GRID2: variants seen among roughly 807,000 people sequenced by gnomAD.
The protein encoded by GRID2 is glutamate ionotropic receptor delta type subunit 2.
GRID2 carries 33 observed loss-of-function variants against 114.8 expected under a neutral mutation model. The ratio of observed to expected loss-of-function variants is 0.29; its 90% CI spans 0.22 to 0.38. The LOEUF is 0.38. Among genes scored for constraint, GRID2 ranks in the 10% least tolerant of loss-of-function variants. The pLI, the probability that GRID2 is intolerant of heterozygous loss-of-function variation, is 1.00. For synonymous variants in GRID2, 505 were observed against 449.9 expected (o/e 1.12, Z -1.55); for missense variants, 1,184 against 1,257.7 (o/e 0.94, Z 0.89).
At chr4:92,553,645 T>C (rs868558403) in intron 1 of GRID2, among the ~76,000 whole-genome samples, 5 of 152,056 alleles carry the variant, frequency 3.3e-5, no homozygotes, top group South Asian at 4.1e-4. Flanking sequence ...CAAATCCTTA[T>C]CATTAACTTT....
rs6850587 is a variant in GRID2 at position 92,727,985 on chromosome 4, G to T, written c.244+137699G>T. Among the ~76,000 whole-genome samples, 1,030 of 152,120 alleles carry T rather than the reference G, an allele frequency of 6.8e-3. 14 individuals are homozygous for T. The highest frequency in any genetic ancestry group is 0.022 in the African/African-American group (924 of 41,514). On this transcript the variant is annotated intron_variant, in intron 2 of 15. Transcript: ENST00000282020. ...TATGAGCAAAGCATGCAGAAGTAGGGAAATTTAGAACATGTTCAAGAAATA... is the reference window on the plus strand; with the variant it reads ...TATGAGCAAAGCATGCAGAAGTAGGTAAATTTAGAACATGTTCAAGAAATA...
At chr4:92,552,921 C>T (rs181216404) in intron 1 of GRID2, among the ~76,000 whole-genome samples, 37 of 152,286 alleles carry the variant, frequency 2.4e-4, no homozygotes, top group Admixed American at 5.2e-4. Flanking sequence ...CCTTTGGTTG[C>T]TCCAATGATT....
At chr4:92,963,549 T>C (rs1201126300) in intron 2 of GRID2, among the ~76,000 whole-genome samples, 1 of 152,010 alleles carries the variant, frequency 6.6e-6, no homozygotes, top group East Asian at 1.9e-4. Context: ...GGTCACATCT[T>C]CAGGCTCTAC....
chr4:93,509,807 C>T (rs1728988749), intron 12 of GRID2, among the ~76,000 whole-genome samples: 1 of 152,102 alleles, frequency 6.6e-6, no homozygotes. Context: ...TAATTCTCAC[C>T]CTCACGGCAT....
chr4:92,797,597 C>T (rs542274707), intron 2 of GRID2, among the ~76,000 whole-genome samples: 1 of 151,978 alleles, frequency 6.6e-6, no homozygotes, highest in South Asian at 2.1e-4. Context: ...AAAATTTTAA[C>T]TTTTTCAATA....
At chr4:92,745,867 A>G (rs1737126615) in intron 2 of GRID2, among the ~76,000 whole-genome samples, 2 of 152,144 alleles carry the variant, frequency 1.3e-5, no homozygotes, top group South Asian at 4.1e-4. Flanking sequence ...AGTGATATAA[A>G]AGAAAAAGAA....
chr4:92,635,462 T>C (rs1005467491), intron 2 of GRID2, among the ~76,000 whole-genome samples: 1 of 152,098 alleles, frequency 6.6e-6, no homozygotes, highest in Non-Finnish European at 1.5e-5. Context: ...CTCATAAGTT[T>C]CTTGGGATTT....
chr4:93,319,440 G>A (rs534577490), intron 8 of GRID2, among the ~76,000 whole-genome samples: 1 of 152,116 alleles, frequency 6.6e-6, no homozygotes, highest in African/African-American at 2.4e-5. Flanking sequence ...AACTGTTTTG[G>A]TAGGGAGAAT....
At chr4:92,572,949 C>A (rs1337943256) in intron 1 of GRID2, among the ~76,000 whole-genome samples, 2 of 151,822 alleles carry the variant, frequency 1.3e-5, no homozygotes, top group African/African-American at 4.8e-5. Context: ...ATCTATCTGG[C>A]CCTGGGCTTT....
intron 4 of GRID2, among the ~76,000 whole-genome samples, chr4:93,160,330 A>G (rs922649486): frequency 6.6e-6 from 1 of 151,886 alleles, no homozygotes; most frequent in Non-Finnish European, 1.5e-5. Context: ...TTGAAAAACC[A>G]CAAATGAAAA....
At chr4:93,020,784 G>A (rs1012300965) in intron 2 of GRID2, among the ~76,000 whole-genome samples, 2 of 152,080 alleles carry the variant, frequency 1.3e-5, no homozygotes, top group South Asian at 4.1e-4. Context: ...TGTAATCCCA[G>A]CACTTTGGAA....
intron 2 of GRID2, among the ~76,000 whole-genome samples, chr4:93,043,785 GA>G (rs1295082403): frequency 8.6e-4 from 130 of 151,938 alleles, no homozygotes; most frequent in African/African-American, 1.9e-3. Context: ...AGCGGGGAGG[GA>G]ATAGCATTAG....
At chr4:93,594,881 C>G (rs112219330) in intron 13 of GRID2, among the ~76,000 whole-genome samples, 1 of 151,972 alleles carries the variant, frequency 6.6e-6, no homozygotes, top group Admixed American at 6.5e-5. Flanking sequence ...TTGCGCTTCC[C>G]GAGTGAGGCA....
At chr4:92,880,883 G>A (rs1488437200) in intron 2 of GRID2, among the ~76,000 whole-genome samples, 13 of 151,418 alleles carry the variant, frequency 8.6e-5, no homozygotes, top group Admixed American at 7.2e-4. Flanking sequence ...CACCACTCCC[G>A]GGTAGTTTTT....
intron 1 of GRID2, among the ~76,000 whole-genome samples, chr4:92,475,967 T>G (rs572479382): frequency 6.6e-6 from 1 of 151,958 alleles, no homozygotes; most frequent in Admixed American, 6.6e-5. Context: ...TAATCTTCTT[T>G]GGATAGTTTG....
chr4:93,356,066 A>G (rs1761303950), intron 8 of GRID2, among the ~76,000 whole-genome samples: 1 of 152,138 alleles, frequency 6.6e-6, no homozygotes, highest in Admixed American at 6.6e-5. Context: ...ACTGTAAAAT[A>G]TAAACATTAT....
chr4:93,030,715 T>G (rs2149257216), intron 2 of GRID2, among the ~76,000 whole-genome samples: 1 of 151,978 alleles, frequency 6.6e-6, no homozygotes, highest in East Asian at 2.0e-4. Context: ...CGTAATAGCA[T>G]CTACAAACAG....
At chr4:93,718,871 CTA>C in intron 14 of GRID2, among the ~76,000 whole-genome samples, 1 of 152,254 alleles carries the variant, frequency 6.6e-6, no homozygotes, top group Middle Eastern at 3.4e-3. Context: ...TTCTCAAATT[CTA>C]TGAGTCAATT....
At chr4:93,509,853 CT>C (rs1250789669) in intron 12 of GRID2, among the ~76,000 whole-genome samples, 2 of 152,136 alleles carry the variant, frequency 1.3e-5, no homozygotes, top group Admixed American at 6.6e-5. Context: ...TTTTGGATCA[CT>C]TTTTATGCTG....
Sources: allele counts gnomAD v4.1 joint callset (sites outside exome capture counted in the v4.1 genomes callset), GRCh38; gene constraint gnomAD v4.1.1; transcripts MANE v1.5; gene names NCBI Gene and HGNC (gene_info 2026-07-23, HGNC 2026-07-21).